ZNF559: variants seen among roughly 807,000 people sequenced by gnomAD.
ZNF559 encodes the protein zinc finger protein 559, also known as putative protein product of Nbla00121.
A neutral mutation model predicts 14.2 loss-of-function variants in ZNF559; 17 were observed. The observed-to-expected ratio is 1.20, with a 90% CI of 0.82 to 1.80. The LOEUF (loss-of-function observed/expected upper bound fraction) is 1.80, where lower values mean the gene tolerates loss of function less well. ZNF559 is among the 40% of genes most tolerant of loss of function. ZNF559 has a pLI of 0.00. For missense variants in ZNF559, 740 were observed against 629.7 expected, an observed-to-expected ratio of 1.18 and a Z score of -1.88; for synonymous variants, 244 against 212.4, an observed-to-expected ratio of 1.15 and a Z score of -1.29.
chr19:9,341,890 C>T lies in ZNF559; in HGVS notation c.439C>T (p.Pro147Ser). The T allele has an allele frequency of 6.2e-7, 1 of 1,610,952 alleles. No homozygotes were observed. The highest frequency in any genetic ancestry group is 2.2e-5 in the East Asian group (1 of 44,854). Residue 147 changes from proline to serine, a missense_variant, in exon 7 of 7, where the codon CCT becomes TCT. Transcript: ENST00000603380. Reference sequence around the variant, plus strand: ...GAAAACTGATATCGGAGAGGAACTTCCTAACTGTAATCAATGTGAAACAGC... The same window carrying T: ...GAAAACTGATATCGGAGAGGAACTTTCTAACTGTAATCAATGTGAAACAGC... ...HKKTDIGEEL[P>S]NCNQCETAFS...
At chr19:9,324,079 G>A (rs2066428299), upstream of ZNF559, 1 of 1,392,768 alleles carries the variant, frequency 7.2e-7, no homozygotes, top group African/African-American at 1.4e-5. Context: ...TCAGCTCTGG[G>A]TTGGAAAAAG....
intron 2 of ZNF559, among the ~76,000 whole-genome samples, chr19:9,337,095 T>G (rs1370586917): frequency 6.6e-6 from 1 of 152,208 alleles, no homozygotes; most frequent in Non-Finnish European, 1.5e-5. Context: ...TGCAAACTGT[T>G]GCCAACTAGG....
intron 2 of ZNF559, among the ~76,000 whole-genome samples, chr19:9,336,560 A>T (rs1461447625): frequency 1.3e-5 from 2 of 151,690 alleles, no homozygotes; most frequent in Non-Finnish European, 2.9e-5. Context: ...GCGCCACTGC[A>T]CTCCAGCCTG....
At chr19:9,330,290 ATTAG>A (rs2066868703) in intron 2 of ZNF559, 1 of 152,190 alleles carries the variant, frequency 6.6e-6, no homozygotes, top group Non-Finnish European at 1.5e-5. Context: ...TATAATGTGT[ATTAG>A]TTTAGATCTC....
At chr19:9,324,895 C>T (rs1330385598) in intron 2 of ZNF559, 115 bp downstream of exon 2, 3 of 819,012 alleles carry the variant, frequency 3.7e-6, no homozygotes, top group Non-Finnish European at 5.9e-6. Context: ...GGATCTGATA[C>T]CATCGAATGC....
At position 9,324,687 on chromosome 19, in the gene ZNF559, TCTATAAGGAACAGCATCTCTGCCTTC is replaced by T; in HGVS notation, c.-205-5_-185del. 2 of 1,526,618 alleles carry T rather than the reference TCTATAAGGAACAGCATCTCTGCCTTC, an allele frequency of 1.3e-6. No homozygotes were observed. The highest frequency in any genetic ancestry group is 1.8e-6 in the Non-Finnish European group (2 of 1,142,554). The allele number at this position is 1,526,618 out of a possible 1,614,324, so 94.6% of individuals were successfully genotyped here. On this transcript the variant is annotated splice_acceptor_variant and splice_polypyrimidine_tract_variant and 5_prime_UTR_variant and intron_variant, in exon 2 of 7. Coordinates refer to ENST00000603380, the MANE Select transcript of ZNF559 (RefSeq NM_032497.3). LOFTEE classifies it low-confidence loss of function (5UTR_SPLICE). ...TCCACATCCAGCGTTGTGCCTTTTCTCTATAAGGAACAGCATCTCTGCCTTCCTGTTCACGGTGACCTTCGCTTGGT... is the reference window on the plus strand; with the variant it reads ...TCCACATCCAGCGTTGTGCCTTTTCTCTGTTCACGGTGACCTTCGCTTGGT...
intron 2 of ZNF559, among the ~76,000 whole-genome samples, chr19:9,333,795 C>A (rs1249333563): frequency 6.9e-6 from 1 of 145,892 alleles, no homozygotes; most frequent in Admixed American, 7.1e-5. Context: ...AGAACTCTTA[C>A]ACGTTAATTC....
In ZNF559 at chr19:9,339,262, C is replaced by T. The variant is rs200863809; in HGVS notation, c.103C>T (p.Gln35Ter). The T allele has an allele frequency of 1.3e-4, 208 of 1,613,916 alleles. 2 individuals are homozygous for T. The East Asian group carries it at 4.5e-3, about 35-fold the overall frequency. The stretch of plus-strand genomic sequence containing the variant: ...GGAGTGGACTTTGCTGGATCAAACT[C>T]AGAGAAACTTATACAGAGATGTGAT... The part of the protein sequence containing the change: ...QEEWTLLDQT[Q>*]RNLYRDVMLE... The change falls in exon 5 of 7, where the codon CAG (glutamine) becomes TAG (stop). Residue 35 changes from glutamine (Q) to a stop codon, truncating the protein, a stop_gained. Coordinates refer to ENST00000603380, the MANE Select transcript of ZNF559 (RefSeq NM_032497.3). LOFTEE classifies it high-confidence loss of function.
intron 2 of ZNF559, among the ~76,000 whole-genome samples, chr19:9,330,998 C>T (rs1317388889): frequency 6.6e-6 from 1 of 152,186 alleles, no homozygotes; most frequent in African/African-American, 2.4e-5. Context: ...TCAGGACTGA[C>T]CCCTACAGAA....
intron 2 of ZNF559, among the ~76,000 whole-genome samples, chr19:9,325,348 G>A (rs982755876): frequency 2.6e-5 from 4 of 151,964 alleles, no homozygotes; most frequent in Non-Finnish European, 5.9e-5. Context: ...AGGCCGAGAT[G>A]CGAGGATCAC....
chr19:9,325,609 A>G (rs1344229394), intron 2 of ZNF559, among the ~76,000 whole-genome samples: 1 of 152,010 alleles, frequency 6.6e-6, no homozygotes, highest in Non-Finnish European at 1.5e-5. Context: ...TGGCCAACAT[A>G]GTGAAACCCC....
chr19:9,327,168 C>A (rs1275240192), intron 2 of ZNF559, among the ~76,000 whole-genome samples: 1 of 151,976 alleles, frequency 6.6e-6, no homozygotes, highest in Non-Finnish European at 1.5e-5. Flanking sequence ...ATAAGTGATA[C>A]TTTGGCTACA....
At chr19:9,338,682 T>C in intron 4 of ZNF559, 100 bp downstream of exon 4, 1 of 891,868 alleles carries the variant, frequency 1.1e-6, no homozygotes, top group Non-Finnish European at 1.8e-6. Context: ...GCAAAGAGGG[T>C]CTGCTTAGGG....
chr19:9,340,848 G>C (rs1254497976), intron 5 of ZNF559, among the ~76,000 whole-genome samples: 1 of 151,164 alleles, frequency 6.6e-6, no homozygotes, highest in Non-Finnish European at 1.5e-5. Context: ...TGGGATTACA[G>C]GTGTGAGCCA....
intron 1 of ZNF559, 52 bp downstream of exon 1, chr19:9,324,280 G>C (rs1246176678): frequency 5.2e-6 from 8 of 1,535,788 alleles, no homozygotes; most frequent in Middle Eastern, 1.7e-4. Context: ...GCAGCCACGC[G>C]AGAGTAGAAG....
At chr19:9,327,088 T>C (rs59704988) in intron 2 of ZNF559, among the ~76,000 whole-genome samples, 16,920 of 152,182 alleles carry the variant, frequency 0.11, 1,109 homozygotes, top group African/African-American at 0.19. Flanking sequence ...TACTACAAGT[T>C]TGTTAGTGAT....
chr19:9,324,157 CG>C (rs771285564), upstream of ZNF559: 25 of 1,535,952 alleles, frequency 1.6e-5, no homozygotes, highest in South Asian at 3.0e-4. Context: ...TTTGCGCGTG[CG>C]CGGCGTGTCT....
Position 9,345,701 on chromosome 19 carries a change from T to A in ZNF559, c.*2633T>A, listed in dbSNP as rs2067711989. ...CAGGGTTTTACTCTGTCTCCCAGGC[T>A]GAAGTGCGTGGCACGATCATGTGGT... On this transcript the variant is annotated 3_prime_UTR_variant, in exon 7 of 7. Transcript: ENST00000603380. 6.6e-6 allele frequency: 1 copy of A among 151,606 alleles called. No individual in the cohort carries two copies. The highest frequency in any genetic ancestry group is 6.6e-5 in the Admixed American group (1 of 15,236). The allele number at this position is 151,606 out of a possible 1,614,324, so 9.4% of individuals were successfully genotyped here. A position where few individuals can be genotyped will look rare whatever the true frequency, so the allele number is the denominator to read the frequency against.
chr19:9,345,769 A>G lies in ZNF559; in HGVS notation c.*2701A>G, dbSNP rs1309524104. On this transcript the variant is annotated 3_prime_UTR_variant, in exon 7 of 7. Transcript: ENST00000603380. ...ATTTTGAGAGTTTAAAATTTGTAAT[A>G]TATTTAATATTAAACCTATTAGTGT... 1.3e-5 allele frequency: 2 copies of G among 151,482 alleles called. No homozygotes were observed. Among genetic ancestry groups the G allele is most frequent in the Non-Finnish European group, 2.9e-5 (2 of 67,884 alleles). The allele number at this position is 151,482 out of a possible 1,614,324, so 9.4% of individuals were successfully genotyped here. A position where few individuals can be genotyped will look rare whatever the true frequency, so the allele number is the denominator to read the frequency against.
Sources: allele counts gnomAD v4.1 joint callset (sites outside exome capture counted in the v4.1 genomes callset), GRCh38; gene constraint gnomAD v4.1.1; transcripts MANE v1.5; gene names NCBI Gene and HGNC (gene_info 2026-07-23, HGNC 2026-07-21).